SLC14A2: variants seen among roughly 807,000 people sequenced by gnomAD.
SLC14A2 encodes the protein solute carrier family 14 member 2.
In SLC14A2, 91 loss-of-function variants were observed where a neutral mutation model predicts 104.6. The observed-to-expected ratio is 0.87, with a 90% CI of 0.73 to 1.04. The LOEUF (loss-of-function observed/expected upper bound fraction) is 1.04, where lower values mean the gene tolerates loss of function less well. SLC14A2 is among the 50% of genes least tolerant of loss of function. The pLI, the probability that SLC14A2 is intolerant of heterozygous loss-of-function variation, is 0.00. For synonymous variants in SLC14A2, 476 were observed against 466.4 expected (o/e 1.02, Z -0.27); for missense variants, 1,189 against 1,156.0 (o/e 1.03, Z -0.41).
At chr18:45,199,787 T>C in the SLC14A2 span, among the ~76,000 whole-genome samples, 4 of 152,140 alleles carry the variant, frequency 2.6e-5, no homozygotes, top group African/African-American at 7.2e-5. Flanking sequence ...CATAAAAAGG[T>C]GGCAATTCCA....
chr18:45,529,189 C>CAAATTATTGGTGAGAAAACA (rs1212257038), intron 2 of SLC14A2: 1 of 152,178 alleles, frequency 6.6e-6, no homozygotes, highest in Non-Finnish European at 1.5e-5. Flanking sequence ...GCAGCAATAA[C>CAAATTATTGGTGAGAAAACA]AAATTATTGG....
intron 1 of SLC14A2, among the ~76,000 whole-genome samples, chr18:45,282,563 A>G (rs977862073): frequency 2.0e-5 from 3 of 152,172 alleles, no homozygotes; most frequent in South Asian, 2.1e-4. Context: ...AGGACTGTCA[A>G]AAGTAGATCC....
intron 1 of SLC14A2, among the ~76,000 whole-genome samples, chr18:45,478,352 C>T (rs1342690887): frequency 3.3e-5 from 5 of 152,150 alleles, no homozygotes; most frequent in Admixed American, 1.3e-4. Flanking sequence ...AGCTGGGTAC[C>T]GCAGTTGGAA....
At chr18:45,545,374 T>A (rs2043954321) in intron 2 of SLC14A2, among the ~76,000 whole-genome samples, 1 of 152,210 alleles carries the variant, frequency 6.6e-6, no homozygotes, top group Non-Finnish European at 1.5e-5. Flanking sequence ...TCCATAAAAC[T>A]CAGGCTGAGG....
chr18:45,606,330 C>T (rs935773507), intron 2 of SLC14A2, among the ~76,000 whole-genome samples: 3 of 152,114 alleles, frequency 2.0e-5, no homozygotes, highest in Non-Finnish European at 4.4e-5. Context: ...GAAATCACTA[C>T]AGGTATTTTA....
chr18:45,436,199 G>T (rs776131255), intron 1 of SLC14A2, among the ~76,000 whole-genome samples: 2 of 152,144 alleles, frequency 1.3e-5, no homozygotes, highest in African/African-American at 4.8e-5. Context: ...AAAAAATTAC[G>T]TTGTTTATGT....
the SLC14A2 span, among the ~76,000 whole-genome samples, chr18:45,182,693 C>T: frequency 6.6e-6 from 1 of 151,742 alleles, no homozygotes; most frequent in South Asian, 2.1e-4. Flanking sequence ...TATAAAGCAA[C>T]AACAAAAAAT....
At chr18:45,232,925 G>A (rs1037816479) in intron 1 of SLC14A2, among the ~76,000 whole-genome samples, 1 of 152,166 alleles carries the variant, frequency 6.6e-6, no homozygotes, top group Non-Finnish European at 1.5e-5. Flanking sequence ...TGGTTCAGGT[G>A]GGCCATGAGA....
chr18:45,263,379 C>T (rs1317176567), intron 1 of SLC14A2, among the ~76,000 whole-genome samples: 2 of 152,158 alleles, frequency 1.3e-5, no homozygotes, highest in Non-Finnish European at 2.9e-5. Flanking sequence ...TGATATTAAC[C>T]TTTATCACTT....
intron 1 of SLC14A2, among the ~76,000 whole-genome samples, chr18:45,342,607 G>A (rs890362374): frequency 3.3e-5 from 5 of 152,168 alleles, no homozygotes; most frequent in African/African-American, 7.2e-5. Flanking sequence ...ATGAATGCAG[G>A]GAGCCCAAGA....
intron 1 of SLC14A2, among the ~76,000 whole-genome samples, chr18:45,250,318 G>C (rs1331348075): frequency 6.6e-6 from 1 of 152,038 alleles, no homozygotes; most frequent in Non-Finnish European, 1.5e-5. Flanking sequence ...GCACACATTT[G>C]GGGCCACATT....
rs559736222 is a variant in SLC14A2, at chr18:45,228,848, T to C, written c.-125+15657T>C. ...AGGCTTTGGGAGGCTCCAGTGCATA[T>C]GGCGAAGGCTCTGGCTGTCTCACCT... On this transcript the variant is annotated intron_variant, in intron 1 of 20. Transcript: ENST00000586448. Among the ~76,000 whole-genome samples, 10 of 152,288 alleles carry C rather than the reference T, an allele frequency of 6.6e-5. No homozygotes were observed. In the South Asian group the frequency reaches 1.9e-3, roughly 28 times the overall value.
chr18:45,305,022 A>G (rs912630343), intron 1 of SLC14A2, among the ~76,000 whole-genome samples: 1 of 152,234 alleles, frequency 6.6e-6, no homozygotes, highest in Admixed American at 6.5e-5. Flanking sequence ...CCTGAGAATC[A>G]TTCCACAGTG....
intron 1 of SLC14A2, among the ~76,000 whole-genome samples, chr18:45,307,034 G>A (rs774620806): frequency 1.8e-4 from 28 of 151,992 alleles, no homozygotes; most frequent in Admixed American, 9.8e-4. Context: ...CTCTTGCCTC[G>A]GTTATCATAG....
intron 10 of SLC14A2, among the ~76,000 whole-genome samples, chr18:45,649,731 T>G (rs58318147): frequency 0.39 from 59,484 of 152,212 alleles, 12,376 homozygotes; most frequent in Non-Finnish European, 0.46. Context: ...GAGGGGCTCC[T>G]GCCCTGCAGT....
At chr18:45,246,168 A>C (rs1277727822) in intron 1 of SLC14A2, among the ~76,000 whole-genome samples, 3 of 152,160 alleles carry the variant, frequency 2.0e-5, no homozygotes, top group Non-Finnish European at 4.4e-5. Context: ...AGGAAGAGAC[A>C]CCAGGAATAT....
chr18:45,477,679 G>A (rs759474972), intron 1 of SLC14A2, among the ~76,000 whole-genome samples: 1 of 152,168 alleles, frequency 6.6e-6, no homozygotes, highest in East Asian at 1.9e-4. Flanking sequence ...GAGATACCCT[G>A]CCCAGGGAGG....
At chr18:45,254,922 G>A (rs915207161) in intron 1 of SLC14A2, among the ~76,000 whole-genome samples, 1 of 152,054 alleles carries the variant, frequency 6.6e-6, no homozygotes, top group African/African-American at 2.4e-5. Flanking sequence ...CTGGGCAGCC[G>A]CCCACATTTA....
chr18:45,302,450 T>G (rs1475539835), intron 1 of SLC14A2, among the ~76,000 whole-genome samples: 1 of 152,196 alleles, frequency 6.6e-6, no homozygotes, highest in Non-Finnish European at 1.5e-5. Flanking sequence ...AATAACTTTG[T>G]CCAAATTCTC....
Sources: allele counts gnomAD v4.1 joint callset (sites outside exome capture counted in the v4.1 genomes callset), GRCh38; gene constraint gnomAD v4.1.1; transcripts MANE v1.5; gene names NCBI Gene and HGNC (gene_info 2026-07-23, HGNC 2026-07-21).